Variants in FHIT observed in about 807,000 individuals in gnomAD.
FHIT encodes the protein bis(5'-adenosyl)-triphosphatase.
FHIT carries 19 observed loss-of-function variants against 17.9 expected under a neutral mutation model. That is an observed-to-expected ratio of 1.06 (90% CI 0.74 to 1.56). FHIT has a LOEUF of 1.56. FHIT is among the 40% of genes most tolerant of loss of function. The pLI is 0.00. For missense variants in FHIT, 248 were observed against 189.2 expected (o/e 1.31, Z -1.82); for synonymous variants, 81 against 69.7 (o/e 1.16, Z -0.81).
intron 5 of FHIT, among the ~76,000 whole-genome samples, chr3:60,450,067 C>T (rs2031630289): frequency 6.8e-6 from 1 of 148,136 alleles, no homozygotes. Flanking sequence ...ATATAGAGCA[C>T]TTAACATGAA....
At chr3:59,877,354 G>C (rs1703209871) in intron 8 of FHIT, among the ~76,000 whole-genome samples, 1 of 152,056 alleles carries the variant, frequency 6.6e-6, no homozygotes, top group African/African-American at 2.4e-5. Context: ...GTGTAGAGTT[G>C]ACAGGGCCTT....
chr3:60,865,002 G>C (rs1553753545), intron 3 of FHIT, among the ~76,000 whole-genome samples: 2 of 151,308 alleles, frequency 1.3e-5, no homozygotes, highest in Non-Finnish European at 2.9e-5. Flanking sequence ...AATCGCCTTA[G>C]TTCACAATAA....
At chr3:60,277,737 AAG>A (rs1195073828) in intron 5 of FHIT, among the ~76,000 whole-genome samples, 1 of 150,824 alleles carries the variant, frequency 6.6e-6, no homozygotes, top group Non-Finnish European at 1.5e-5. Context: ...TTTCTCTCTC[AAG>A]AGAGAAAGCT....
At position 60,561,535 on chromosome 3, in the gene FHIT, A is replaced by G. The variant is rs148167864; in HGVS notation, c.-17-24556T>C. Among the ~76,000 whole-genome samples, 50 of 152,276 alleles carry G rather than the reference A, an allele frequency of 3.3e-4. No individual in the cohort carries two copies. The East Asian group carries it at 9.1e-3, about 28-fold the overall frequency. On this transcript the variant is annotated intron_variant, in intron 4 of 9. Transcript: ENST00000492590. ...GGATGTCAAAATGAACCAATCTGCA[A>G]TAGTCATCTGGGCAGGGGACAGGTG...
rs140985344 is a variant in FHIT, at chr3:59,832,444, T to G, written c.349-80123A>C. Among the ~76,000 whole-genome samples, 364 of 152,312 alleles carry G rather than the reference T, an allele frequency of 2.4e-3. 1 individual carries two copies. The highest frequency in any genetic ancestry group is 8.3e-3 in the African/African-American group (344 of 41,572). ...TTATCTGTAACATCCAGCCACATTG[T>G]CTGGCTTGGTTATGTGACTTTCTTT... is the stretch of plus-strand genomic sequence containing the variant. On this transcript the variant is annotated intron_variant, in intron 8 of 9. Transcript: ENST00000492590.
Position 60,498,266 on chromosome 3 carries a change from G to A in FHIT, c.103+38594C>T, listed in dbSNP as rs1428390529. On this transcript the variant is annotated intron_variant, in intron 5 of 9. Transcript: ENST00000492590. ...ATGTTTTAATCAGTGTAAAAATTTTGTACTACCAAAAATGAATTTATATAA... is the reference window on the plus strand; with the variant it reads ...ATGTTTTAATCAGTGTAAAAATTTTATACTACCAAAAATGAATTTATATAA... Among the ~76,000 whole-genome samples, 5 of 152,016 alleles carry A rather than the reference G, an allele frequency of 3.3e-5. No individual in the cohort carries two copies. The East Asian group carries it at 7.7e-4, about 23-fold the overall frequency.
rs539052200 is a variant in FHIT, at chr3:60,093,790, G to A, written c.104-79638C>T. Among the ~76,000 whole-genome samples, 14 of 152,232 alleles carry A rather than the reference G, an allele frequency of 9.2e-5. 1 individual carries two copies. Among genetic ancestry groups the A allele is most frequent in the East Asian group, 1.9e-4 (1 of 5,172 alleles). On this transcript the variant is annotated intron_variant, in intron 5 of 9. Coordinates refer to ENST00000492590, the MANE Select transcript of FHIT (RefSeq NM_002012.4). The stretch of plus-strand genomic sequence containing the variant: ...ATATAGGGTGGAACAGTTTCATCCC[G>A]AAACCACTCCCTCCACCACCGGGTC...
intron 4 of FHIT, among the ~76,000 whole-genome samples, chr3:60,659,801 T>C (rs1351853502): frequency 2.0e-5 from 3 of 152,188 alleles, no homozygotes; most frequent in African/African-American, 7.2e-5. Context: ...TTTTCTTTCC[T>C]TTGAATGTGC....
intron 4 of FHIT, among the ~76,000 whole-genome samples, chr3:60,587,674 G>C (rs1479329075): frequency 6.6e-6 from 1 of 152,004 alleles, no homozygotes; most frequent in Non-Finnish European, 1.5e-5. Flanking sequence ...CCACTAACAA[G>C]CCCATGTAGT....
rs57211745 is a variant in FHIT at position 61,055,809 on chromosome 3, G to A, written c.-163-13710C>T. On this transcript the variant is annotated intron_variant, in intron 2 of 9. Coordinates refer to ENST00000492590, the MANE Select transcript of FHIT (RefSeq NM_002012.4). ...TCTAATGAGGGACAGAGAGAATGTA[G>A]GCTTAAGTGGGGGTATTTTTTTTAA... is the stretch of plus-strand genomic sequence containing the variant. Among the ~76,000 whole-genome samples, 108 of 152,264 alleles carry A rather than the reference G, an allele frequency of 7.1e-4. 1 individual carries two copies. Among genetic ancestry groups the A allele is most frequent in the African/African-American group, 2.5e-3 (104 of 41,554 alleles).
At chr3:59,775,968 T>C (rs901181229) in intron 8 of FHIT, among the ~76,000 whole-genome samples, 1 of 152,214 alleles carries the variant, frequency 6.6e-6, no homozygotes, top group East Asian at 1.9e-4. Flanking sequence ...TTGATTCTCA[T>C]TCTCCATGAT....
At chr3:61,075,142 G>C (rs1041567992) in intron 2 of FHIT, among the ~76,000 whole-genome samples, 1 of 152,060 alleles carries the variant, frequency 6.6e-6, no homozygotes, top group African/African-American at 2.4e-5. Context: ...CTCCTTTTGG[G>C]AAAAATAGGC....
chr3:60,548,069 T>A (rs2036426539), intron 4 of FHIT, among the ~76,000 whole-genome samples: 1 of 151,700 alleles, frequency 6.6e-6, no homozygotes, highest in African/African-American at 2.4e-5. Context: ...CCACCCTTAA[T>A]CTGGTGGGCA....
chr3:60,485,508 A>T (rs2033799154), intron 5 of FHIT, among the ~76,000 whole-genome samples: 1 of 152,166 alleles, frequency 6.6e-6, no homozygotes. Context: ...TTGCAGGGAC[A>T]TGGAAGAAGC....
chr3:60,547,808 G>C (rs898970986), intron 4 of FHIT, among the ~76,000 whole-genome samples: 1 of 151,094 alleles, frequency 6.6e-6, no homozygotes, highest in Non-Finnish European at 1.5e-5. Context: ...TCATTTTTTT[G>C]ACAGGGCTAG....
intron 4 of FHIT, among the ~76,000 whole-genome samples, chr3:60,679,761 G>A (rs2107859568): frequency 6.6e-6 from 1 of 151,818 alleles, no homozygotes; most frequent in South Asian, 2.1e-4. Context: ...TTTTTCTAGG[G>A]AGAATATCCC....
At chr3:60,418,942 T>C (rs1294591644) in intron 5 of FHIT, among the ~76,000 whole-genome samples, 1 of 152,130 alleles carries the variant, frequency 6.6e-6, no homozygotes. Context: ...TCTGAAAACA[T>C]ATAGAATTAC....
At chr3:60,168,460 T>C (rs923082500) in intron 5 of FHIT, among the ~76,000 whole-genome samples, 4 of 152,164 alleles carry the variant, frequency 2.6e-5, no homozygotes, top group Admixed American at 6.5e-5. Flanking sequence ...AGGACCACTC[T>C]TGGGCATATC....
intron 5 of FHIT, among the ~76,000 whole-genome samples, chr3:60,342,588 C>T (rs564954115): frequency 6.6e-6 from 1 of 152,242 alleles, no homozygotes; most frequent in Non-Finnish European, 1.5e-5. Context: ...TTACATAATT[C>T]TGTAAAACTA....
Sources: allele counts gnomAD v4.1 joint callset (sites outside exome capture counted in the v4.1 genomes callset), GRCh38; gene constraint gnomAD v4.1.1; transcripts MANE v1.5; gene names NCBI Gene and HGNC (gene_info 2026-07-23, HGNC 2026-07-21).